Variants in C2CD3 observed in about 807,000 individuals in gnomAD.
C2CD3 encodes the protein C2 domain containing 3 centriole elongation regulator.
A neutral mutation model predicts 234.0 loss-of-function variants in C2CD3; 148 were observed. That is an observed-to-expected ratio of 0.63 (90% CI 0.55 to 0.72). C2CD3 has a LOEUF of 0.72. Among genes scored for constraint, C2CD3 ranks in the 30% least tolerant of loss-of-function variants. The pLI, the probability that C2CD3 is intolerant of heterozygous loss-of-function variation, is 0.00. For missense variants in C2CD3, 2,577 were observed against 2,811.5 expected (o/e 0.92, Z 1.89); for synonymous variants, 1,000 against 1,035.4 (o/e 0.97, Z 0.66).
At chr11:74,045,597 G>A (rs551897272) in intron 28 of C2CD3, among the ~76,000 whole-genome samples, 1 of 151,684 alleles carries the variant, frequency 6.6e-6, no homozygotes, top group Non-Finnish European at 1.5e-5. Flanking sequence ...TGGCAGACAG[G>A]GTCTTACTCT....
At chr11:74,108,083 A>C (rs550232026) in intron 12 of C2CD3, 1 of 150,516 alleles carries the variant, frequency 6.6e-6, no homozygotes, top group Non-Finnish European at 1.5e-5. Context: ...CCCGGGAGGC[A>C]GAGCTTGCAG....
At position 74,049,209 on chromosome 11, in the gene C2CD3, A is replaced by G. The variant is rs74669585; in HGVS notation, c.5361+128T>C. 2,533 of 728,066 alleles carry G rather than the reference A, an allele frequency of 3.5e-3. 39 individuals are homozygous for G. The African/African-American group carries it at 0.039, about 11-fold the overall frequency. 45.1% of individuals were successfully genotyped at this position (728,066 alleles called of 1,614,324 possible). ...ATTTTCATCACCCCAAAAGGTCAGG[A>G]GGTTGTTATGAGACACATATAGTAT... On this transcript the variant is annotated intron_variant, in intron 27 of 32. Coordinates refer to ENST00000334126, the MANE Select transcript of C2CD3 (RefSeq NM_001286577.2).
chr11:74,071,637 C>T (rs1007494123), intron 24 of C2CD3, among the ~76,000 whole-genome samples: 1 of 152,148 alleles, frequency 6.6e-6, no homozygotes, highest in African/African-American at 2.4e-5. Flanking sequence ...CAGGGAATAA[C>T]CCTGATCTGA....
chr11:74,074,120 C>A lies in C2CD3; in HGVS notation c.4951+133G>T, dbSNP rs188912613. On this transcript the variant is annotated intron_variant, in intron 24 of 32. Coordinates refer to ENST00000334126, the MANE Select transcript of C2CD3 (RefSeq NM_001286577.2). ...CAGAAAAGCTTTCATGTTGCTTAAA[C>A]CTTTAGGCTTGAGAAATAAATATTT... 2.0e-3 allele frequency: 1,446 copies of A among 727,828 alleles called. 5 individuals carry two copies. Among genetic ancestry groups the A allele is most frequent in the Non-Finnish European group, 2.3e-3 (1,038 of 450,926 alleles). The allele number at this position is 727,828 out of a possible 1,614,324, so 45.1% of individuals were successfully genotyped here. A position where few individuals can be genotyped will look rare whatever the true frequency, so the allele number is the denominator to read the frequency against.
chr11:74,022,452 C>G (rs1411845194), intron 32 of C2CD3, among the ~76,000 whole-genome samples: 1 of 152,056 alleles, frequency 6.6e-6, no homozygotes. Flanking sequence ...TGGGTCCGTA[C>G]GTGTCTGCGG....
chr11:74,104,640 ATAAT>A (rs1956442566), intron 13 of C2CD3, among the ~76,000 whole-genome samples: 1 of 152,154 alleles, frequency 6.6e-6, no homozygotes, highest in African/African-American at 2.4e-5. Flanking sequence ...AAAAGTCTAA[ATAAT>A]TAAAAAGTAA....
At chr11:74,081,082 C>T (rs536773100) in intron 22 of C2CD3, among the ~76,000 whole-genome samples, 3 of 152,180 alleles carry the variant, frequency 2.0e-5, no homozygotes, top group African/African-American at 7.2e-5. Context: ...CTAGATTACA[C>T]AATCCTAGGC....
intron 16 of C2CD3, 63 bp downstream of exon 16, chr11:74,097,946 A>G: frequency 1.3e-6 from 2 of 1,529,564 alleles, no homozygotes; most frequent in Non-Finnish European, 1.8e-6. Context: ...TGGGCAATAA[A>G]TTCACTAAAA....
chr11:74,096,395 T>C (rs892213458), intron 16 of C2CD3, among the ~76,000 whole-genome samples: 1 of 152,116 alleles, frequency 6.6e-6, no homozygotes, highest in African/African-American at 2.4e-5. Context: ...TGCTTTGAAA[T>C]CTGAAAGCAT....
intron 2 of C2CD3, chr11:74,167,886 T>C (rs1031574246): frequency 1.2e-5 from 2 of 160,690 alleles, no homozygotes; most frequent in Non-Finnish European, 2.7e-5. Context: ...CTTGTACTAT[T>C]GGTAAATTTT....
rs745432657 is a variant in C2CD3 at position 74,095,345 on chromosome 11, C to G, written c.3043G>C (p.Gly1015Arg). The change falls in exon 17 of 33, where the codon GGG becomes CGG. Residue 1015 changes from glycine (G) to arginine (R), a missense_variant. Transcript: ENST00000334126. Reference protein sequence around the residue: ...CFEIHIEMVKGLAPLQATVWG... With the variant: ...CFEIHIEMVKRLAPLQATVWG... ...ACTGTTGCCTGAAGAGGGGCTAGCC[C>G]TTTAACCATCTCTATATGGATCTCA... The G allele has an allele frequency of 1.9e-6, 3 of 1,613,884 alleles. No individual in the cohort carries two copies. The highest frequency in any genetic ancestry group is 1.7e-6 in the Non-Finnish European group (2 of 1,179,844).
In C2CD3 at chr11:74,100,590, G is replaced by A; in HGVS notation, c.2667C>T (p.Ser889=). The change falls in exon 15 of 33, where the codon AGC becomes AGT. Residue 889 remains serine (S), a synonymous_variant. Transcript: ENST00000334126. ...MVIETWNKVR[S]PGQDKLLGLV... ...GCCCGAGCAGCTTGTCCTGTCCTGG[G>A]CTCCGCACCTTATTCCAAGTTTCAA... The A allele has an allele frequency of 6.2e-7, 1 of 1,614,070 alleles. No individual in the cohort carries two copies. The highest frequency in any genetic ancestry group is 8.5e-7 in the Non-Finnish European group (1 of 1,179,964).
At chr11:74,102,000 A>T (rs76509038) in intron 14 of C2CD3, among the ~76,000 whole-genome samples, 4,361 of 152,286 alleles carry the variant, frequency 0.029, 196 homozygotes, top group African/African-American at 0.099. Flanking sequence ...CAATGGACAT[A>T]AAGAGAGCTG....
intron 26 of C2CD3, among the ~76,000 whole-genome samples, chr11:74,051,832 A>G (rs1953707249): frequency 6.6e-6 from 1 of 152,120 alleles, no homozygotes; most frequent in South Asian, 2.1e-4. Context: ...GTTTTATTTT[A>G]CCTTTGTATC....
intron 28 of C2CD3, among the ~76,000 whole-genome samples, chr11:74,044,195 C>G (rs1053634396): frequency 4.0e-5 from 6 of 151,866 alleles, no homozygotes; most frequent in Admixed American, 3.3e-4. Flanking sequence ...CAGTGGCTCA[C>G]GCCTGTAATC....
chr11:74,128,950 T>C (rs533679404), intron 7 of C2CD3: 63 of 290,034 alleles, frequency 2.2e-4, no homozygotes, highest in African/African-American at 1.4e-3. Flanking sequence ...TACTTCTTTC[T>C]ACACAGACAC....
chr11:74,033,068 C>T (rs985122974), intron 31 of C2CD3, among the ~76,000 whole-genome samples: 2 of 152,168 alleles, frequency 1.3e-5, no homozygotes, highest in African/African-American at 2.4e-5. Flanking sequence ...AGATCCCAAG[C>T]CTTGCCTTCA....
chr11:74,065,315 C>CTCATCA (rs983845126), intron 24 of C2CD3, among the ~76,000 whole-genome samples: 108 of 152,238 alleles, frequency 7.1e-4, no homozygotes, highest in African/African-American at 2.5e-3. Context: ...ATGAAAAAAA[C>CTCATCA]TCATCATCAC....
intron 32 of C2CD3, among the ~76,000 whole-genome samples, chr11:74,018,961 C>T (rs1248935325): frequency 6.6e-6 from 1 of 152,206 alleles, no homozygotes. Context: ...CCTTCCCGGA[C>T]AGGCCCATTC....
Sources: gnomAD v4.1 joint callset for allele counts (sites outside exome capture counted in the v4.1 genomes callset) on GRCh38, gnomAD v4.1.1 for gene constraint, MANE v1.5 for transcripts, NCBI Gene and HGNC (gene_info 2026-07-23, HGNC 2026-07-21) for gene names.